Variants in CDC7 observed in about 807,000 individuals in gnomAD.
CDC7 encodes the protein cell division cycle 7.
CDC7 carries 34 observed loss-of-function variants against 53.5 expected under a neutral mutation model. The ratio of observed to expected loss-of-function variants is 0.64; its 90% confidence interval spans 0.48 to 0.85. CDC7 has a LOEUF of 0.85. Among genes scored for constraint, CDC7 ranks in the 40% least tolerant of loss-of-function variants. CDC7 has a pLI of 0.00. For missense variants in CDC7, 594 were observed against 679.7 expected (o/e 0.87, Z 1.40); for synonymous variants, 211 against 222.8 (o/e 0.95, Z 0.47).
At chr1:91,507,440 A>C (rs1253024090) in intron 2 of CDC7, among the ~76,000 whole-genome samples, 1 of 152,202 alleles carries the variant, frequency 6.6e-6, no homozygotes, top group Non-Finnish European at 1.5e-5. Flanking sequence ...AATACATAAA[A>C]TTTTACCAAG....
intron 4 of CDC7, among the ~76,000 whole-genome samples, chr1:91,510,635 C>T (rs1667238528): frequency 6.6e-6 from 1 of 152,124 alleles, no homozygotes; most frequent in African/African-American, 2.4e-5. Context: ...CTCCCTCTAC[C>T]ACTTTTTCTT....
At chr1:91,519,577 A>C (rs1239584961) in intron 10 of CDC7, among the ~76,000 whole-genome samples, 1 of 152,200 alleles carries the variant, frequency 6.6e-6, no homozygotes, top group Non-Finnish European at 1.5e-5. Context: ...CAATATATAC[A>C]CCTACTGTGT....
At position 91,513,939 on chromosome 1, in the gene CDC7, G is replaced by A. The variant is rs934427983; in HGVS notation, c.823-9G>A. 3.8e-6 allele frequency: 6 copies of A among 1,589,684 alleles called. No individual in the cohort carries two copies. The highest frequency in any genetic ancestry group is 5.2e-6 in the Non-Finnish European group (6 of 1,158,544). On this transcript the variant is annotated splice_polypyrimidine_tract_variant and intron_variant, in intron 7 of 11. Coordinates refer to ENST00000234626, the MANE Select transcript of CDC7 (RefSeq NM_003503.4). The stretch of plus-strand genomic sequence containing the variant: ...ATCCTTATTTTCCTTGTTTTTGTTG[G>A]TATTGTAGGAGGGATCTGTAGGCCT...
chr1:91,523,498 T>C (rs548488161), intron 11 of CDC7, among the ~76,000 whole-genome samples: 15 of 152,226 alleles, frequency 9.9e-5, no homozygotes, highest in African/African-American at 3.4e-4. Context: ...ATATATAGGA[T>C]AGCAAAAGTA....
intron 2 of CDC7, among the ~76,000 whole-genome samples, chr1:91,503,347 A>G (rs1427198793): frequency 6.6e-6 from 1 of 152,184 alleles, no homozygotes; most frequent in East Asian, 1.9e-4. Context: ...AAGTTATATA[A>G]ACATAACTTC....
At chr1:91,512,085 G>A (rs553255415) in intron 6 of CDC7, among the ~76,000 whole-genome samples, 162 bp downstream of exon 6, 112 of 151,790 alleles carry the variant, frequency 7.4e-4, no homozygotes, top group Non-Finnish European at 1.3e-3. Flanking sequence ...TTGTTTTTAC[G>A]GCAAGAGCAG....
chr1:91,514,156 C>A, intron 8 of CDC7, 113 bp downstream of exon 8: 1 of 623,016 alleles, frequency 1.6e-6, no homozygotes, highest in Non-Finnish European at 2.7e-6. Context: ...TAGAGTTTGG[C>A]TTTGGCAGAA....
At chr1:91,523,038 T>C (rs1668050879) in intron 11 of CDC7, among the ~76,000 whole-genome samples, 1 of 152,248 alleles carries the variant, frequency 6.6e-6, no homozygotes, top group Non-Finnish European at 1.5e-5. Context: ...ATTAACTTTT[T>C]TTTGCACATC....
chr1:91,510,212 C>T (rs1367137993), intron 4 of CDC7, among the ~76,000 whole-genome samples: 1 of 148,356 alleles, frequency 6.7e-6, no homozygotes, highest in Non-Finnish European at 1.5e-5. Context: ...AAACAAGACC[C>T]TGCCTCTGAG....
intron 10 of CDC7, among the ~76,000 whole-genome samples, chr1:91,516,676 G>C (rs1049302760): frequency 2.0e-5 from 3 of 152,196 alleles, no homozygotes; most frequent in African/African-American, 7.2e-5. Flanking sequence ...GGCAATTCAT[G>C]AAAGAAATGA....
chr1:91,519,372 T>C, intron 10 of CDC7, among the ~76,000 whole-genome samples: 1 of 151,026 alleles, frequency 6.6e-6, no homozygotes, highest in East Asian at 2.0e-4. Context: ...GAGATTGCAG[T>C]GAGCTGAGAC....
chr1:91,517,877 C>T (rs765562812), intron 10 of CDC7, among the ~76,000 whole-genome samples: 1 of 151,904 alleles, frequency 6.6e-6, no homozygotes, highest in Non-Finnish European at 1.5e-5. Context: ...GCAGGCAGAT[C>T]ACTAGGTCAG....
At chr1:91,504,301 C>CT (rs1311610612) in intron 2 of CDC7, among the ~76,000 whole-genome samples, 1 of 152,012 alleles carries the variant, frequency 6.6e-6, no homozygotes, top group Non-Finnish European at 1.5e-5. Flanking sequence ...GAAACAGGAT[C>CT]TTGCTATGTT....
chr1:91,501,067 T>A (rs1347849417), intron 1 of CDC7, 119 bp downstream of exon 1: 1 of 152,200 alleles, frequency 6.6e-6, no homozygotes, highest in African/African-American at 2.4e-5. Context: ...TTCGGATCCC[T>A]CCGACCTGCG....
chr1:91,507,880 T>C lies in CDC7; in HGVS notation c.142T>C (p.Tyr48His). 8 of 1,448,218 alleles carry C rather than the reference T, an allele frequency of 5.5e-6. No homozygotes were observed. Among genetic ancestry groups the C allele is most frequent in the Non-Finnish European group, 7.6e-6 (8 of 1,048,514 alleles). 89.7% of individuals were successfully genotyped at this position (1,448,218 alleles called of 1,614,324 possible). A position where few individuals can be genotyped will look rare whatever the true frequency, so the allele number is the denominator to read the frequency against. Residue 48 changes from tyrosine to histidine, a missense_variant, in exon 3 of 12, where the codon TAT becomes CAT. Transcript: ENST00000234626. ...AGVKKDIEKL[Y>H]EAVPQLSNVF... ...TGTTAAAAAAGATATTGAGAAGCTT[T>C]ATGAAGCTGTACCACAGCTTAGTAA...
chr1:91,503,685 T>G (rs879667324), intron 2 of CDC7, among the ~76,000 whole-genome samples: 5 of 152,210 alleles, frequency 3.3e-5, no homozygotes, highest in African/African-American at 4.8e-5. Flanking sequence ...CTGATAAACA[T>G]GATTATTGAA....
intron 6 of CDC7, 145 bp downstream of exon 6, chr1:91,512,068 CTTATT>C: frequency 1.6e-6 from 1 of 626,760 alleles, no homozygotes; most frequent in Admixed American, 3.5e-5. Flanking sequence ...AGTTACCCAT[CTTATT>C]TTTGTTTTTA....
rs142868151 is a variant in CDC7, at chr1:91,515,016, G to A, written c.1097+19G>A. The A allele has an allele frequency of 1.8e-4, 294 of 1,594,994 alleles. 1 individual carries two copies. In the African/African-American group the frequency reaches 3.5e-3, roughly 19 times the overall value. On this transcript the variant is annotated intron_variant, in intron 9 of 11. Transcript: ENST00000234626. ...TTTCAAGGTAATGTGTTTTGATGGT[G>A]TTATAAAATCACCAGCATGCTGCCA...
chr1:91,510,880 C>G (rs1182407587), intron 4 of CDC7, among the ~76,000 whole-genome samples: 2 of 152,144 alleles, frequency 1.3e-5, no homozygotes, highest in Admixed American at 6.6e-5. Context: ...ATAACTCTTC[C>G]TTCAAAATTC....
Sources: allele counts gnomAD v4.1 joint callset (sites outside exome capture counted in the v4.1 genomes callset), GRCh38; gene constraint gnomAD v4.1.1; transcripts MANE v1.5; gene names NCBI Gene and HGNC (gene_info 2026-07-23, HGNC 2026-07-21).